The following TFG variants were observed in gnomAD, a reference collection of about 807,000 sequenced individuals.
TFG encodes the protein trafficking from ER to golgi regulator.
Under a neutral mutation model 51.4 loss-of-function variants are expected in TFG, and 22 were observed. That is an observed-to-expected ratio of 0.43 (90% confidence interval 0.31 to 0.61). The LOEUF is 0.61. Among genes scored for constraint, TFG ranks in the 20% least tolerant of loss-of-function variants. The pLI, the probability that TFG is intolerant of heterozygous loss-of-function variation, is 0.12. For synonymous variants in TFG, 187 were observed against 165.6 expected, an observed-to-expected ratio of 1.13 and a Z score of -0.99; for missense variants, 419 against 487.7, an observed-to-expected ratio of 0.86 and a Z score of 1.33.
intron 6 of TFG, among the ~76,000 whole-genome samples, chr3:100,741,329 A>G (rs531243169): frequency 2.6e-5 from 4 of 152,278 alleles, no homozygotes; most frequent in Non-Finnish European, 5.9e-5. Context: ...AGTGATATCA[A>G]TGATCCTGAT....
At chr3:100,741,541 C>A (rs1448109240) in intron 6 of TFG, among the ~76,000 whole-genome samples, 2 of 151,976 alleles carry the variant, frequency 1.3e-5, no homozygotes, top group African/African-American at 4.8e-5. Flanking sequence ...AAAGTAAAAA[C>A]ATTACAGTAA....
At position 100,719,994 on chromosome 3, in the gene TFG, T is replaced by G; in HGVS notation, c.204T>G (p.Ile68Met). The G allele has an allele frequency of 6.4e-7, 1 of 1,565,678 alleles. No individual in the cohort carries two copies. Among genetic ancestry groups the G allele is most frequent in the Non-Finnish European group, 8.6e-7 (1 of 1,160,990 alleles). The change falls in exon 3 of 8, where the codon ATT becomes ATG. Residue 68 changes from isoleucine to methionine, a missense_variant. Around this residue, in one of 3 missense-constraint regions of TFG, gnomAD observed 391 missense variants for 434.4 expected, o/e 0.90. Transcript: ENST00000240851. ...TTCCAGATGGAGATCTTATAACAAT[T>G]TTTGATAGTTCTGACCTTTCCTTTG... The part of the protein sequence containing the change: ...YKDEDGDLIT[I>M]FDSSDLSFAI...
chr3:100,735,664 A>C (rs1333061481), intron 5 of TFG, among the ~76,000 whole-genome samples: 1 of 152,256 alleles, frequency 6.6e-6, no homozygotes, highest in African/African-American at 2.4e-5. Context: ...TAAAGGAATA[A>C]GACATATTTA....
At chr3:100,714,644 A>G (rs1445879515) in intron 2 of TFG, among the ~76,000 whole-genome samples, 1 of 151,970 alleles carries the variant, frequency 6.6e-6, no homozygotes, top group Non-Finnish European at 1.5e-5. Flanking sequence ...TTTTTTTTCT[A>G]TTCTTATTTC....
chr3:100,734,832 T>C (rs940196164), intron 5 of TFG, among the ~76,000 whole-genome samples: 6 of 152,196 alleles, frequency 3.9e-5, no homozygotes, highest in African/African-American at 1.4e-4. Context: ...ATTAATATGA[T>C]TCACATTATT....
Position 100,743,363 on chromosome 3 carries a change from T to TA in TFG, c.722-1469dup, listed in dbSNP as rs551986981. ...CCTTGATTATATTTCTGTACCTACT[T>TA]ACCTTTTTATTTTAGATTCTGGTCA... On this transcript the variant is annotated intron_variant, in intron 6 of 7. Coordinates refer to ENST00000240851, the MANE Select transcript of TFG (RefSeq NM_006070.6). The TA allele has an allele frequency of 7.9e-5, 12 of 152,320 alleles. 1 individual carries two copies. The South Asian group carries it at 2.5e-3, about 32-fold the overall frequency. 9.4% of individuals were successfully genotyped at this position (152,320 alleles called of 1,614,324 possible). A position where few individuals can be genotyped will look rare whatever the true frequency, so the allele number is the denominator to read the frequency against.
intron 6 of TFG, among the ~76,000 whole-genome samples, chr3:100,737,445 T>C (rs964049000): frequency 2.6e-5 from 4 of 152,240 alleles, no homozygotes; most frequent in South Asian, 2.1e-4. Flanking sequence ...AGGTGCCTCA[T>C]TGAAAACCTT....
chr3:100,735,643 C>T (rs1489194555), intron 5 of TFG, among the ~76,000 whole-genome samples: 2 of 152,168 alleles, frequency 1.3e-5, no homozygotes, highest in Non-Finnish European at 2.9e-5. Flanking sequence ...ATTGCCAAAG[C>T]AGAAAGAATT....
rs976354804 is a variant in TFG at position 100,714,014 on chromosome 3, C to T, written c.184+145C>T. On this transcript the variant is annotated intron_variant, in intron 2 of 7. Transcript: ENST00000240851. ...CTCCTGGGCTCAAGCAATCCTGCCT[C>T]GGCCTCCCAAAGTGCTGGGATTACA... is the stretch of plus-strand genomic sequence containing the variant. 1.8e-4 allele frequency: 79 copies of T among 448,880 alleles called. 1 individual carries two copies. The highest frequency in any genetic ancestry group is 2.2e-4 in the African/African-American group (11 of 49,794). 27.8% of individuals were successfully genotyped at this position (448,880 alleles called of 1,614,324 possible). A position where few individuals can be genotyped will look rare whatever the true frequency, so the allele number is the denominator to read the frequency against.
chr3:100,736,098 A>G (rs2095105472), intron 5 of TFG, among the ~76,000 whole-genome samples: 1 of 152,096 alleles, frequency 6.6e-6, no homozygotes, highest in Non-Finnish European at 1.5e-5. Flanking sequence ...AATATTAGCT[A>G]TGTTATGGGA....
chr3:100,721,792 CTTCAG>C (rs1440517379), intron 3 of TFG, among the ~76,000 whole-genome samples: 1 of 152,186 alleles, frequency 6.6e-6, no homozygotes, highest in Non-Finnish European at 1.5e-5. Flanking sequence ...TTTTCAACAA[CTTCAG>C]TTAAGATATG....
intron 6 of TFG, among the ~76,000 whole-genome samples, chr3:100,737,903 A>T (rs1378545251): frequency 1.3e-5 from 2 of 152,094 alleles, no homozygotes; most frequent in South Asian, 2.1e-4. Context: ...AAAAAGATTT[A>T]AAAAAATTAG....
chr3:100,727,887 T>G (rs915413124), intron 3 of TFG, among the ~76,000 whole-genome samples: 8 of 152,166 alleles, frequency 5.3e-5, no homozygotes, highest in Non-Finnish European at 8.8e-5. Context: ...CAGGCTGGAG[T>G]GCAGTGGAGT....
At chr3:100,710,296 GTAAGTATTT>G (rs2149052520) in intron 1 of TFG, 1 of 152,368 alleles carries the variant, frequency 6.6e-6, no homozygotes, top group South Asian at 2.1e-4. Flanking sequence ...GGACACTACA[GTAAGTATTT>G]TGGATGCACT....
intron 1 of TFG, among the ~76,000 whole-genome samples, chr3:100,710,756 C>G (rs569191223): frequency 4.3e-4 from 65 of 152,138 alleles, no homozygotes; most frequent in Non-Finnish European, 8.2e-4. Flanking sequence ...TTCTGGACTT[C>G]AGAGGGGGCG....
At chr3:100,720,108 A>G (rs1303064179) in intron 3 of TFG, 50 bp downstream of exon 3, 1 of 1,223,110 alleles carries the variant, frequency 8.2e-7, no homozygotes, top group Non-Finnish European at 1.1e-6. Context: ...ATTGTATTTT[A>G]AAGATGTTTG....
chr3:100,721,894 T>C (rs1182946632), intron 3 of TFG, among the ~76,000 whole-genome samples: 5 of 152,278 alleles, frequency 3.3e-5, no homozygotes, highest in South Asian at 2.1e-4. Flanking sequence ...CTCACGCCTG[T>C]AATTCCAGCA....
chr3:100,726,110 A>G (rs936528441), intron 3 of TFG, among the ~76,000 whole-genome samples: 1 of 152,128 alleles, frequency 6.6e-6, no homozygotes, highest in African/African-American at 2.4e-5. Flanking sequence ...AGGGAAGCTG[A>G]TAGTGCAGCC....
At chr3:100,721,769 T>C (rs1449250214) in intron 3 of TFG, among the ~76,000 whole-genome samples, 1 of 152,180 alleles carries the variant, frequency 6.6e-6, no homozygotes, top group East Asian at 1.9e-4. Context: ...ACACAACTAA[T>C]AGCAGGATTA....
Sources: allele counts gnomAD v4.1 joint callset (sites outside exome capture counted in the v4.1 genomes callset), GRCh38; gene constraint gnomAD v4.1.1; regional missense constraint gnomAD v4.1.1; transcripts MANE v1.5; gene names NCBI Gene and HGNC (gene_info 2026-07-23, HGNC 2026-07-21).